Variants in RBFOX1 observed in about 807,000 individuals in gnomAD.
RBFOX1 encodes the protein RNA binding protein fox-1 homolog 1.
Under a neutral mutation model 57.7 loss-of-function variants are expected in RBFOX1, and 8 were observed. The ratio of observed to expected loss-of-function variants is 0.14; its 90% confidence interval spans 0.08 to 0.25. The LOEUF (loss-of-function observed/expected upper bound fraction) is 0.25, where lower values mean the gene tolerates loss of function less well. RBFOX1 is among the 10% of genes least tolerant of loss of function. The pLI, the probability that RBFOX1 is intolerant of heterozygous loss-of-function variation, is 1.00. For synonymous variants in RBFOX1, 326 were observed against 222.4 expected (o/e 1.47, Z -4.15); for missense variants, 611 against 548.5 (o/e 1.11, Z -1.14).
chr16:6,751,643 C>A (rs74629460), intron 3 of RBFOX1, among the ~76,000 whole-genome samples: 1 of 152,112 alleles, frequency 6.6e-6, no homozygotes, highest in Admixed American at 6.6e-5. Context: ...TCAAAGGAAG[C>A]CAGTAACATT....
At chr16:6,455,998 A>T (rs754026192) in intron 2 of RBFOX1, among the ~76,000 whole-genome samples, 1 of 151,082 alleles carries the variant, frequency 6.6e-6, no homozygotes, top group Non-Finnish European at 1.5e-5. Flanking sequence ...CACAAAGCTT[A>T]TATCTAAGGA....
intron 4 of RBFOX1, among the ~76,000 whole-genome samples, chr16:7,152,321 A>G (rs1178567783): frequency 6.6e-6 from 1 of 152,168 alleles, no homozygotes; most frequent in Admixed American, 6.5e-5. Flanking sequence ...TACCAGAAAA[A>G]CTACAGAAGG....
intron 2 of RBFOX1, among the ~76,000 whole-genome samples, chr16:5,537,286 A>G (rs2044738682): frequency 6.6e-6 from 1 of 152,310 alleles, no homozygotes; most frequent in East Asian, 1.9e-4. Flanking sequence ...CCATTGCCCA[A>G]TTCCAAAGCC....
At chr16:6,263,239 C>G (rs1433254750) in intron 1 of RBFOX1, among the ~76,000 whole-genome samples, 8 of 152,150 alleles carry the variant, frequency 5.3e-5, no homozygotes, top group Non-Finnish European at 1.2e-4. Flanking sequence ...TGTTTGAAAT[C>G]CATTTGTGTA....
At chr16:7,342,896 G>A (rs754657301) in intron 4 of RBFOX1, among the ~76,000 whole-genome samples, 30 of 152,174 alleles carry the variant, frequency 2.0e-4, no homozygotes, top group Non-Finnish European at 4.0e-4. Flanking sequence ...GTCATTCTCA[G>A]TAGAGTCGGA....
intron 2 of RBFOX1, among the ~76,000 whole-genome samples, chr16:6,384,795 T>C (rs772060504): frequency 3.3e-5 from 5 of 152,218 alleles, no homozygotes; most frequent in African/African-American, 7.2e-5. Flanking sequence ...CGATCTGATA[T>C]AGCCACTGTT....
At chr16:5,793,859 G>A (rs2054787396) in intron 3 of RBFOX1, among the ~76,000 whole-genome samples, 1 of 152,220 alleles carries the variant, frequency 6.6e-6, no homozygotes. Context: ...AATGTACTGG[G>A]AGACTGGAAT....
At chr16:6,900,438 C>A (rs1433632833) in intron 3 of RBFOX1, among the ~76,000 whole-genome samples, 1 of 152,192 alleles carries the variant, frequency 6.6e-6, no homozygotes, top group African/African-American at 2.4e-5. Flanking sequence ...ATCTGCTCTC[C>A]CACTTAAAAC....
At chr16:6,740,682 G>C (rs192735806) in intron 3 of RBFOX1, among the ~76,000 whole-genome samples, 86 of 152,270 alleles carry the variant, frequency 5.6e-4, no homozygotes, top group Admixed American at 2.4e-3. Flanking sequence ...AACAGGACTT[G>C]TATGCTGAAA....
intron 1 of RBFOX1, among the ~76,000 whole-genome samples, chr16:5,350,293 A>G (rs1156965830): frequency 6.6e-6 from 1 of 152,180 alleles, no homozygotes; most frequent in East Asian, 1.9e-4. Flanking sequence ...CAAATGGGGC[A>G]TGAAGCATAC....
chr16:7,566,813 G>T (rs943106427), intron 5 of RBFOX1, among the ~76,000 whole-genome samples: 1 of 151,950 alleles, frequency 6.6e-6, no homozygotes, highest in African/African-American at 2.4e-5. Flanking sequence ...CACATCCAAG[G>T]GTGTCTATGT....
intron 3 of RBFOX1, among the ~76,000 whole-genome samples, chr16:6,931,865 G>C (rs936462546): frequency 1.3e-5 from 2 of 152,150 alleles, no homozygotes; most frequent in African/African-American, 4.8e-5. Flanking sequence ...TATCTGACGA[G>C]GGCGTGGTAT....
At chr16:6,032,684 T>G (rs2095307509) in intron 1 of RBFOX1, among the ~76,000 whole-genome samples, 1 of 152,102 alleles carries the variant, frequency 6.6e-6, no homozygotes, top group Non-Finnish European at 1.5e-5. Flanking sequence ...TAAAGCAACA[T>G]TAATTATTTT....
intron 14 of RBFOX1, among the ~76,000 whole-genome samples, chr16:7,692,107 A>C (rs1021765718): frequency 6.6e-6 from 1 of 152,168 alleles, no homozygotes; most frequent in Non-Finnish European, 1.5e-5. Context: ...CCAGATATTC[A>C]TGCGGCTCAA....
intron 3 of RBFOX1, among the ~76,000 whole-genome samples, chr16:6,984,380 T>G (rs1374743329): frequency 6.6e-6 from 1 of 152,128 alleles, no homozygotes; most frequent in Non-Finnish European, 1.5e-5. Flanking sequence ...GCCTACATCC[T>G]ACAGCACTAC....
intron 3 of RBFOX1, among the ~76,000 whole-genome samples, chr16:6,828,338 A>G (rs1433575487): frequency 6.6e-6 from 1 of 152,082 alleles, no homozygotes; most frequent in Non-Finnish European, 1.5e-5. Flanking sequence ...ATCGTGGCCA[A>G]CATGATGAAA....
intron 3 of RBFOX1, among the ~76,000 whole-genome samples, chr16:6,744,668 C>T (rs530203881): frequency 2.0e-4 from 31 of 152,116 alleles, no homozygotes; most frequent in African/African-American, 7.2e-4. Context: ...TAAGACATAT[C>T]AGATTTTGCG....
intron 3 of RBFOX1, among the ~76,000 whole-genome samples, chr16:6,677,112 T>A (rs1466821118): frequency 6.6e-6 from 1 of 152,218 alleles, no homozygotes; most frequent in African/African-American, 2.4e-5. Context: ...TCTGCCTATT[T>A]AAAAAAGTAG....
intron 3 of RBFOX1, among the ~76,000 whole-genome samples, chr16:6,798,629 C>A (rs547989865): frequency 7.6e-4 from 115 of 152,294 alleles, no homozygotes; most frequent in Non-Finnish European, 1.1e-3. Flanking sequence ...TAGTGCCTTT[C>A]GTTTCTCTGG....
Sources: gnomAD v4.1 joint callset for allele counts (sites outside exome capture counted in the v4.1 genomes callset) on GRCh38, gnomAD v4.1.1 for gene constraint, MANE v1.5 for transcripts, NCBI Gene and HGNC (gene_info 2026-07-23, HGNC 2026-07-21) for gene names.